SLC5A9: variants seen among roughly 807,000 people sequenced by gnomAD.
SLC5A9 encodes the protein sodium/glucose cotransporter 4.
In SLC5A9, 59 loss-of-function variants were observed where a neutral mutation model predicts 70.9. The observed-to-expected ratio is 0.83, with a 90% CI of 0.68 to 1.03. The LOEUF is 1.03. Among genes scored for constraint, SLC5A9 ranks in the 50% least tolerant of loss-of-function variants. The pLI, the probability that SLC5A9 is intolerant of heterozygous loss-of-function variation, is 0.00. For missense variants in SLC5A9, 832 were observed against 881.1 expected, an observed-to-expected ratio of 0.94 and a Z score of 0.71; for synonymous variants, 340 against 346.5, an observed-to-expected ratio of 0.98 and a Z score of 0.21.
chr1:48,244,878 G>GTGTA (rs1391896495), intron 13 of SLC5A9, among the ~76,000 whole-genome samples: 9 of 29,402 alleles, frequency 3.1e-4, no homozygotes, highest in Admixed American at 7.0e-4. Context: ...ATGTGTATGT[G>GTGTA]TATATATATA....
chr1:48,225,607 G>A (rs1644132966), intron 2 of SLC5A9, among the ~76,000 whole-genome samples: 1 of 151,948 alleles, frequency 6.6e-6, no homozygotes, highest in Non-Finnish European at 1.5e-5. Context: ...CTCACACACG[G>A]CATGTGTGCA....
chr1:48,227,566 CAG>C (rs773106166), intron 2 of SLC5A9, among the ~76,000 whole-genome samples: 24 of 106,300 alleles, frequency 2.3e-4, no homozygotes, highest in East Asian at 3.4e-4. Context: ...GCATGTGTGT[CAG>C]AGTGTGTGTG....
At position 48,229,350 on chromosome 1, in the gene SLC5A9, C is replaced by A; in HGVS notation, c.395C>A (p.Ala132Glu). 1 of 1,614,178 alleles carries A rather than the reference C, an allele frequency of 6.2e-7. No homozygotes were observed. The highest frequency in any genetic ancestry group is 8.5e-7 in the Non-Finnish European group (1 of 1,180,044). The change falls in exon 4 of 14, where the codon GCA becomes GAA. Residue 132 changes from alanine to glutamate, a missense_variant. Transcript: ENST00000438567. ...GTCTTCGTCCCTGTGTACATCGCAG[C>A]AGGTGTGGTCACAATGCCGCAGTAT... Reference protein sequence around the residue: ...GWVFVPVYIAAGVVTMPQYLK... With the variant: ...GWVFVPVYIAEGVVTMPQYLK...
chr1:48,246,943 T>C (rs2148593147), intron 13 of SLC5A9, among the ~76,000 whole-genome samples: 1 of 152,306 alleles, frequency 6.6e-6, no homozygotes, highest in Middle Eastern at 3.4e-3. Flanking sequence ...GTCTGTCTGG[T>C]TCAAACACTT....
intron 6 of SLC5A9, 151 bp from the exon 7 acceptor site, chr1:48,231,795 A>G: frequency 6.6e-7 from 1 of 1,507,962 alleles, no homozygotes; most frequent in Non-Finnish European, 8.9e-7. Context: ...ACTTCAAACC[A>G]AGGGTCTTGA....
intron 12 of SLC5A9, chr1:48,240,521 G>T (rs1399403723): frequency 6.6e-6 from 1 of 152,198 alleles, no homozygotes; most frequent in Admixed American, 6.5e-5. Flanking sequence ...TTGATGGATG[G>T]TGCTTTAGAG....
In SLC5A9 at chr1:48,247,726, A is replaced by C; in HGVS notation, c.*183A>C. Reference sequence around the variant, plus strand: ...GACAAGTGGAGAAACAGAAGCCCAGAGAGAGCACTGGGTTTGTTCAGGACC... The same window carrying C: ...GACAAGTGGAGAAACAGAAGCCCAGCGAGAGCACTGGGTTTGTTCAGGACC... On this transcript the variant is annotated 3_prime_UTR_variant, in exon 14 of 14. Coordinates refer to ENST00000438567, the MANE Select transcript of SLC5A9 (RefSeq NM_001011547.3). 3.2e-6 allele frequency: 2 copies of C among 632,680 alleles called. No homozygotes were observed. Among genetic ancestry groups the C allele is most frequent in the Non-Finnish European group, 5.5e-6 (2 of 362,834 alleles). 39.2% of individuals were successfully genotyped at this position (632,680 alleles called of 1,614,324 possible). A position where few individuals can be genotyped will look rare whatever the true frequency, so the allele number is the denominator to read the frequency against.
Position 48,224,734 on chromosome 1 carries a change from G to T in SLC5A9, c.173G>T (p.Arg58Leu), listed in dbSNP as rs373666109. Residue 58 changes from arginine (R) to leucine (L), a missense_variant, in exon 2 of 14, where the codon CGT becomes CTT. Arg to Leu is a moderately radical substitution (Grantham distance 102). Coordinates refer to ENST00000438567, the MANE Select transcript of SLC5A9 (RefSeq NM_001011547.3). The stretch of plus-strand genomic sequence containing the variant: ...CTATTTCCTTTCCAGTCGTCCATCC[G>T]TGCAAGTCGAGGGACCATTGGCGGC... Reference protein sequence around the residue: ...VIAVGIWSSIRASRGTIGGYF... With the variant: ...VIAVGIWSSILASRGTIGGYF... The T allele has an allele frequency of 6.2e-7, 1 of 1,614,094 alleles. No individual in the cohort carries two copies. Among genetic ancestry groups the T allele is most frequent in the Non-Finnish European group, 8.5e-7 (1 of 1,179,990 alleles).
At chr1:48,225,256 CAGTTA>C (rs1037754814) in intron 2 of SLC5A9, among the ~76,000 whole-genome samples, 31 of 152,194 alleles carry the variant, frequency 2.0e-4, no homozygotes, top group African/African-American at 7.0e-4. Flanking sequence ...TATTGAAGAA[CAGTTA>C]AGTTAAGGGA....
chr1:48,223,199 A>C, intron 1 of SLC5A9, among the ~76,000 whole-genome samples: 1 of 151,250 alleles, frequency 6.6e-6, no homozygotes, highest in African/African-American at 2.4e-5. Flanking sequence ...CCTGAGCCTC[A>C]CTCCTTCCTT....
In SLC5A9 at chr1:48,239,237, G is replaced by A. The variant is rs562272440; in HGVS notation, c.1462-85G>A. The stretch of plus-strand genomic sequence containing the variant: ...CCAACATGGCAATAAACCAGTGGGA[G>A]AGAGATTTGGGGAGAGAGTAGTTTT... On this transcript the variant is annotated intron_variant, in intron 11 of 13. Coordinates refer to ENST00000438567, the MANE Select transcript of SLC5A9 (RefSeq NM_001011547.3). The surrounding 1 kb of genome is among the most constrained non-coding windows in gnomAD (Gnocchi z 4.2). 3 of 976,802 alleles carry A rather than the reference G, an allele frequency of 3.1e-6. No homozygotes were observed. In the African/African-American group the frequency reaches 4.9e-5, roughly 16 times the overall value. The allele number at this position is 976,802 out of a possible 1,614,324, so 60.5% of individuals were successfully genotyped here. A position where few individuals can be genotyped will look rare whatever the true frequency, so the allele number is the denominator to read the frequency against.
chr1:48,247,278 A>G, intron 13 of SLC5A9, 57 bp from the exon 14 acceptor site: 1 of 1,535,032 alleles, frequency 6.5e-7, no homozygotes, highest in South Asian at 1.1e-5. Flanking sequence ...TCCTTTCTCC[A>G]ATCTTCTTTG....
At chr1:48,236,381 A>G (rs2148580486) in intron 10 of SLC5A9, among the ~76,000 whole-genome samples, 1 of 152,338 alleles carries the variant, frequency 6.6e-6, no homozygotes. Context: ...AGGTAGAAAC[A>G]CAGGTAACAC....
chr1:48,243,187 A>G (rs942776564), intron 13 of SLC5A9, among the ~76,000 whole-genome samples: 1 of 151,944 alleles, frequency 6.6e-6, no homozygotes, highest in Non-Finnish European at 1.5e-5. Context: ...TTTCTTTATT[A>G]TTTATTTATC....
At position 48,230,701 on chromosome 1, in the gene SLC5A9, T is replaced by C. The variant is rs749582277; in HGVS notation, c.606T>C (p.Ile202=). The C allele has an allele frequency of 9.3e-6, 15 of 1,612,278 alleles. No individual in the cohort carries two copies. Among genetic ancestry groups the C allele is most frequent in the Non-Finnish European group, 1.3e-5 (15 of 1,178,506 alleles). The change falls in exon 5 of 14, where the codon ATT becomes ATC. Residue 202 remains isoleucine, a synonymous_variant. Coordinates refer to ENST00000438567, the MANE Select transcript of SLC5A9 (RefSeq NM_001011547.3). ...TGGTGGTGACTGCCGTCTACACCATTGCAGGTAGGCAGAGGGAAGAGGGCA... is the reference window on the plus strand; with the variant it reads ...TGGTGGTGACTGCCGTCTACACCATCGCAGGTAGGCAGAGGGAAGAGGGCA... The part of the protein sequence containing the change: ...ILLVVTAVYT[I]AGGLMAVIYT...
chr1:48,247,490 A>G lies in SLC5A9; in HGVS notation c.1993A>G (p.Asn665Asp), dbSNP rs1408716880. The G allele has an allele frequency of 9.9e-6, 16 of 1,614,018 alleles. No individual in the cohort carries two copies. The highest frequency in any genetic ancestry group is 1.3e-5 in the Non-Finnish European group (15 of 1,180,032). ...EPLWRHVCNI[N>D]AVLLLAINIF... is the part of the protein sequence containing the mutation. Reference sequence around the variant, plus strand: ...ACTCTGGAGACATGTCTGCAACATCAATGCTGTCCTTTTGCTGGCCATCAA... The same window carrying G: ...ACTCTGGAGACATGTCTGCAACATCGATGCTGTCCTTTTGCTGGCCATCAA... The change falls in exon 14 of 14, where the codon AAT (asparagine) becomes GAT (aspartate). Residue 665 changes from asparagine (N) to aspartate (D), a missense_variant. By Grantham distance (23) the Asn-to-Asp change is conservative. Transcript: ENST00000438567.
At position 48,232,429 on chromosome 1, in the gene SLC5A9, G is replaced by A. The variant is rs1644263036; in HGVS notation, c.960G>A (p.Leu320=). 6.2e-7 allele frequency: 1 copy of A among 1,614,156 alleles called. No homozygotes were observed. The highest frequency in any genetic ancestry group is 1.6e-4 in the Middle Eastern group (1 of 6,062). The part of the protein sequence containing the change: ...SLSHAKGGSV[L]GGYLKILPMF... ...CTCATGCCAAGGGAGGCTCCGTGCT[G>A]GGGGGCTACCTGAAGATCCTCCCCA... is the stretch of plus-strand genomic sequence containing the variant. Residue 320 remains leucine, a synonymous_variant, in exon 8 of 14, where the codon CTG becomes CTA. Transcript: ENST00000438567.
intron 10 of SLC5A9, 71 bp downstream of exon 10, chr1:48,235,950 C>T (rs997437383): frequency 9.5e-6 from 15 of 1,584,112 alleles, no homozygotes; most frequent in Admixed American, 6.7e-5. Flanking sequence ...TTACCCTGAA[C>T]AGAGGTGGCT....
At chr1:48,242,291 A>G (rs1171501785) in intron 12 of SLC5A9, 166 bp from the exon 13 acceptor site, 2 of 749,410 alleles carry the variant, frequency 2.7e-6, no homozygotes, top group Middle Eastern at 2.8e-4. Flanking sequence ...ATATTTGAAG[A>G]AAGAGGAAGT....
Sources: allele counts gnomAD v4.1 joint callset (sites outside exome capture counted in the v4.1 genomes callset), GRCh38; gene constraint gnomAD v4.1.1; non-coding constraint Gnocchi (gnomAD v3.1); transcripts MANE v1.5; gene names NCBI Gene and HGNC (gene_info 2026-07-23, HGNC 2026-07-21).